The following AP3B1 variants were observed in gnomAD, a reference collection of about 807,000 sequenced individuals.
The protein encoded by AP3B1 is adaptor related protein complex 3 subunit beta 1.
A neutral mutation model predicts 132.5 loss-of-function variants in AP3B1; 61 were observed. The observed-to-expected ratio is 0.46, with a 90% CI of 0.37 to 0.57. AP3B1 has a LOEUF of 0.57. Among genes scored for constraint, AP3B1 ranks in the 20% least tolerant of loss-of-function variants. The pLI is 0.00. For missense variants in AP3B1, 1,120 were observed against 1,289.4 expected (o/e 0.87, Z 2.01); for synonymous variants, 388 against 438.3 (o/e 0.89, Z 1.43).
intron 15 of AP3B1, among the ~76,000 whole-genome samples, chr5:78,134,735 G>T (rs1752838244): frequency 6.6e-6 from 1 of 152,090 alleles, no homozygotes; most frequent in Admixed American, 6.6e-5. Context: ...TAGAGACGGG[G>T]TTTAACCACG....
rs1239723784 is a variant in AP3B1 at position 78,228,259 on chromosome 5, T to C, written c.280-20A>G. On this transcript the variant is annotated intron_variant, in intron 3 of 26. Transcript: ENST00000255194. ...CTTGATCTGTTAAAAAAAAATCATTTATTCATAACCAGAGTGAAAATTTAA... is the reference window on the plus strand; with the variant it reads ...CTTGATCTGTTAAAAAAAAATCATTCATTCATAACCAGAGTGAAAATTTAA... 2 of 1,574,832 alleles carry C rather than the reference T, an allele frequency of 1.3e-6. No homozygotes were observed. Among genetic ancestry groups the C allele is most frequent in the South Asian group, 1.1e-5 (1 of 89,520 alleles).
chr5:78,083,112 C>T (rs192516883), intron 22 of AP3B1, among the ~76,000 whole-genome samples: 184 of 152,200 alleles, frequency 1.2e-3, no homozygotes, highest in African/African-American at 4.0e-3. Flanking sequence ...CCACCGCGCC[C>T]GGCCACGTTG....
At chr5:78,132,132 A>C (rs184393894) in intron 15 of AP3B1, among the ~76,000 whole-genome samples, 2 of 152,296 alleles carry the variant, frequency 1.3e-5, no homozygotes, top group Admixed American at 1.3e-4. Context: ...TGTGTATACT[A>C]ATATCAGTAA....
chr5:78,054,717 T>C (rs252790), intron 22 of AP3B1, among the ~76,000 whole-genome samples: 40,690 of 151,998 alleles, frequency 0.27, 6,063 homozygotes, highest in Admixed American at 0.4. Flanking sequence ...TTTAAGTGAA[T>C]TGTGACTTAG....
chr5:78,238,882 C>T (rs150049992), intron 3 of AP3B1, among the ~76,000 whole-genome samples: 193 of 150,038 alleles, frequency 1.3e-3, no homozygotes, highest in South Asian at 8.8e-3. Context: ...CAGAGATTGA[C>T]ACACGGGATG....
At chr5:78,159,858 C>T (rs547533223) in intron 13 of AP3B1, among the ~76,000 whole-genome samples, 1 of 152,312 alleles carries the variant, frequency 6.6e-6, no homozygotes, top group South Asian at 2.1e-4. Flanking sequence ...GCTACTCTAT[C>T]AGAAGCACAA....
At chr5:78,024,653 C>T (rs1365446016) in intron 24 of AP3B1, among the ~76,000 whole-genome samples, 2 of 151,216 alleles carry the variant, frequency 1.3e-5, no homozygotes, top group African/African-American at 2.4e-5. Flanking sequence ...CAACCTCCAC[C>T]TCTTGGGTTC....
intron 21 of AP3B1, among the ~76,000 whole-genome samples, chr5:78,091,147 G>A (rs1750492244): frequency 6.6e-6 from 1 of 151,656 alleles, no homozygotes; most frequent in Admixed American, 6.6e-5. Context: ...CAGTGAACAA[G>A]GCAGAACAAA....
intron 24 of AP3B1, among the ~76,000 whole-genome samples, chr5:78,028,797 G>A (rs1182618414): frequency 2.6e-5 from 4 of 152,046 alleles, no homozygotes; most frequent in Non-Finnish European, 5.9e-5. Flanking sequence ...CTTTTTTAAG[G>A]TTCTGATACA....
intron 6 of AP3B1, among the ~76,000 whole-genome samples, chr5:78,221,117 G>T (rs1746162010): frequency 6.6e-6 from 1 of 152,008 alleles, no homozygotes; most frequent in African/African-American, 2.4e-5. Flanking sequence ...AAATAGTTTG[G>T]GGACATATAC....
chr5:78,275,061 T>A (rs532103070), intron 1 of AP3B1, among the ~76,000 whole-genome samples: 1 of 152,296 alleles, frequency 6.6e-6, no homozygotes, highest in Admixed American at 6.5e-5. Flanking sequence ...AATGAAAGCA[T>A]CTATAGATAA....
intron 1 of AP3B1, among the ~76,000 whole-genome samples, chr5:78,282,247 G>A (rs1051125591): frequency 3.3e-5 from 5 of 151,884 alleles, no homozygotes; most frequent in African/African-American, 1.2e-4. Flanking sequence ...TGACCATTTA[G>A]CCCCTCCTCT....
chr5:78,215,224 C>T (rs1183926370), intron 7 of AP3B1, among the ~76,000 whole-genome samples: 2 of 149,862 alleles, frequency 1.3e-5, no homozygotes. Context: ...TTTTTTTACA[C>T]AAATTGGTTT....
At chr5:78,275,821 C>A (rs994845957) in intron 1 of AP3B1, among the ~76,000 whole-genome samples, 1 of 151,804 alleles carries the variant, frequency 6.6e-6, no homozygotes. Context: ...AACCAGGAAA[C>A]GAAAAATTCA....
chr5:78,240,051 C>A (rs1006295412), intron 3 of AP3B1, among the ~76,000 whole-genome samples: 1 of 152,162 alleles, frequency 6.6e-6, no homozygotes, highest in Non-Finnish European at 1.5e-5. Flanking sequence ...TGAAATCACA[C>A]ACCCATCCTC....
intron 7 of AP3B1, among the ~76,000 whole-genome samples, chr5:78,204,956 G>T (rs923973848): frequency 1.3e-5 from 2 of 152,062 alleles, no homozygotes; most frequent in African/African-American, 4.8e-5. Flanking sequence ...TCTCTGTGGA[G>T]CAACAAGCTC....
intron 7 of AP3B1, among the ~76,000 whole-genome samples, chr5:78,187,868 C>T (rs942614209): frequency 2.0e-5 from 3 of 152,164 alleles, no homozygotes; most frequent in African/African-American, 7.2e-5. Flanking sequence ...CAGCATGGTA[C>T]TGGTACAAAA....
intron 1 of AP3B1, among the ~76,000 whole-genome samples, chr5:78,282,407 C>G (rs1193284328): frequency 6.6e-6 from 1 of 151,268 alleles, no homozygotes; most frequent in African/African-American, 2.4e-5. Flanking sequence ...AACAAATACA[C>G]TTTTTACTCC....
At chr5:78,150,314 T>C (rs977093866) in intron 14 of AP3B1, among the ~76,000 whole-genome samples, 4 of 152,144 alleles carry the variant, frequency 2.6e-5, no homozygotes, top group African/African-American at 9.7e-5. Flanking sequence ...GAGGAGACTA[T>C]TTCAAAAAGG....
Sources: allele counts gnomAD v4.1 joint callset (sites outside exome capture counted in the v4.1 genomes callset), GRCh38; gene constraint gnomAD v4.1.1; transcripts MANE v1.5; gene names NCBI Gene and HGNC (gene_info 2026-07-23, HGNC 2026-07-21).